Variants in ATG7 observed in about 807,000 individuals in gnomAD.
ATG7 encodes the protein autophagy related 7.
ATG7 carries 70 observed loss-of-function variants against 82.4 expected under a neutral mutation model. The observed-to-expected ratio is 0.85, with a 90% CI of 0.70 to 1.04. The LOEUF (loss-of-function observed/expected upper bound fraction) is 1.04, where lower values mean the gene tolerates loss of function less well. Among genes scored for constraint, ATG7 ranks in the 50% least tolerant of loss-of-function variants. ATG7 has a pLI of 0.00. For missense variants in ATG7, 792 were observed against 864.3 expected, an observed-to-expected ratio of 0.92 and a Z score of 1.05; for synonymous variants, 287 against 313.0, an observed-to-expected ratio of 0.92 and a Z score of 0.88.
chr3:11,324,780 C>T (rs879842779), intron 9 of ATG7, among the ~76,000 whole-genome samples: 1 of 151,838 alleles, frequency 6.6e-6, no homozygotes, highest in Admixed American at 6.6e-5. Flanking sequence ...TCATTTAGTT[C>T]CAACTCTACA....
intron 20 of ATG7, among the ~76,000 whole-genome samples, chr3:11,494,118 C>T (rs1171963855): frequency 6.6e-6 from 1 of 152,188 alleles, no homozygotes; most frequent in Non-Finnish European, 1.5e-5. Context: ...ATGACTGTTG[C>T]CAGGGAAGAA....
chr3:11,560,113 C>T (rs953571110), downstream of ATG7, among the ~76,000 whole-genome samples: 2 of 152,072 alleles, frequency 1.3e-5, no homozygotes, highest in African/African-American at 4.8e-5. Flanking sequence ...AAGCCCTGTT[C>T]AGATCTCTCT....
At chr3:11,433,354 A>G (rs567973995) in intron 20 of ATG7, among the ~76,000 whole-genome samples, 17 of 151,832 alleles carry the variant, frequency 1.1e-4, no homozygotes, top group Non-Finnish European at 1.8e-4. Flanking sequence ...TAAATCAAAC[A>G]TATGAACACC....
intron 20 of ATG7, among the ~76,000 whole-genome samples, chr3:11,480,808 A>G (rs868502926): frequency 1.4e-4 from 22 of 152,188 alleles, no homozygotes; most frequent in Admixed American, 3.9e-4. Context: ...AGGAGGGCCT[A>G]TCCACTGGGT....
intron 20 of ATG7, among the ~76,000 whole-genome samples, chr3:11,497,304 G>T (rs1487331804): frequency 7.1e-6 from 1 of 139,958 alleles, no homozygotes; most frequent in East Asian, 2.1e-4. Flanking sequence ...TTGAGGTCAG[G>T]AGTTTGAGGC....
intron 20 of ATG7, among the ~76,000 whole-genome samples, chr3:11,479,698 A>G (rs1013025997): frequency 6.6e-6 from 1 of 152,184 alleles, no homozygotes; most frequent in South Asian, 2.1e-4. Flanking sequence ...ATCATCCCCA[A>G]TGGAGGAGCT....
intron 3 of ATG7, among the ~76,000 whole-genome samples, chr3:11,289,816 T>C (rs986290106): frequency 4.6e-5 from 7 of 152,182 alleles, no homozygotes; most frequent in African/African-American, 1.7e-4. Context: ...TGCCTCAGCC[T>C]CCCAAAGAGT....
rs113465598 is a variant in ATG7 at position 11,535,723 on chromosome 3, G to T, written c.2080-19088G>T. 6.2e-4 allele frequency among the ~76,000 whole-genome samples: 94 copies of T among 152,224 alleles called. 1 individual carries two copies. Among genetic ancestry groups the T allele is most frequent in the African/African-American group, 2.1e-3 (89 of 41,522 alleles). ...GGTAAAGAAGCGGGGGCGTGCGCTG[G>T]GGGGAGAACCTTGTGTTCTCAGTCT... On this transcript the variant is annotated intron_variant, in intron 20 of 20. Transcript: ENST00000693202.
At chr3:11,413,962 G>C (rs1200431518) in intron 19 of ATG7, among the ~76,000 whole-genome samples, 1 of 151,580 alleles carries the variant, frequency 6.6e-6, no homozygotes, top group East Asian at 1.9e-4. Context: ...GATGGGTTTT[G>C]TGTTTCTAGG....
rs138052425 is a variant in ATG7 at position 11,367,796 on chromosome 3, G to A, written c.1875+3062G>A. On this transcript the variant is annotated intron_variant, in intron 18 of 20. Coordinates refer to ENST00000693202, the MANE Select transcript of ATG7 (RefSeq NM_001349232.2). Reference sequence around the variant, plus strand: ...TTTTTAAGTCTCTGGCCCAATGTACGTGGATTAGATTCTGCAAGCAGGCAG... The same window carrying A: ...TTTTTAAGTCTCTGGCCCAATGTACATGGATTAGATTCTGCAAGCAGGCAG... 8.5e-3 allele frequency among the ~76,000 whole-genome samples: 1,274 copies of A among 149,190 alleles called. 12 individuals carry two copies. Among genetic ancestry groups the A allele is most frequent in the African/African-American group, 0.03 (1,213 of 40,504 alleles).
chr3:11,552,115 C>A (rs947674645), intron 20 of ATG7, among the ~76,000 whole-genome samples: 3 of 152,204 alleles, frequency 2.0e-5, no homozygotes, highest in Non-Finnish European at 4.4e-5. Flanking sequence ...TGGTTGTTGT[C>A]AATTTTATAT....
chr3:11,458,454 T>G (rs886210421), intron 20 of ATG7, among the ~76,000 whole-genome samples: 7 of 152,138 alleles, frequency 4.6e-5, no homozygotes, highest in Non-Finnish European at 8.8e-5. Flanking sequence ...TAGTAGAGAC[T>G]GGGTTTCACC....
At chr3:11,551,969 G>A (rs1035079095) in intron 20 of ATG7, among the ~76,000 whole-genome samples, 1 of 151,210 alleles carries the variant, frequency 6.6e-6, no homozygotes, top group Non-Finnish European at 1.5e-5. Flanking sequence ...GGCTGGTCTC[G>A]AACTCCTGAC....
At chr3:11,568,549 G>A in the ATG7 span, 30 of 1,550,634 alleles carry the variant, frequency 1.9e-5, no homozygotes, top group South Asian at 3.6e-5. This position sits in a 1 kb window ranked among gnomAD's most constrained non-coding sequence, Gnocchi z 5.9. Context: ...TGAAAACAGC[G>A]AGAAAAGGCC....
chr3:11,558,454 T>A, downstream of ATG7: 18 of 1,064,148 alleles, frequency 1.7e-5, no homozygotes, highest in Admixed American at 2.7e-5. Context: ...TCCCTTCCCT[T>A]CCCCCCACCC....
rs1443864650 is a variant in ATG7, at chr3:11,445,316, T to TG, written c.2079+18392dup. Among the ~76,000 whole-genome samples, 6 of 152,192 alleles carry TG rather than the reference T, an allele frequency of 3.9e-5. No individual in the cohort carries two copies. The East Asian group carries it at 1.2e-3, about 29-fold the overall frequency. On this transcript the variant is annotated intron_variant, in intron 20 of 20. Transcript: ENST00000693202. ...TAGAATCAACTTAAATGCCCATCAG[T>TG]GGTAGACTGGATAAAGAAAATGTAG...
the ATG7 span, chr3:11,568,514 G>C: frequency 1.3e-6 from 2 of 1,500,562 alleles, no homozygotes; most frequent in Non-Finnish European, 1.8e-6. The surrounding 1 kb of genome is among the most constrained non-coding windows in gnomAD (Gnocchi z 5.9). Flanking sequence ...CAGCACAGTG[G>C]GCACTATGGG....
At chr3:11,334,734 G>T (rs1369475569) in intron 11 of ATG7, among the ~76,000 whole-genome samples, 1 of 151,186 alleles carries the variant, frequency 6.6e-6, no homozygotes, top group Non-Finnish European at 1.5e-5. Context: ...GAGGCGGGTG[G>T]ATCACCTGAG....
intron 20 of ATG7, among the ~76,000 whole-genome samples, chr3:11,521,248 C>T (rs976456208): frequency 6.6e-6 from 1 of 151,980 alleles, no homozygotes; most frequent in Non-Finnish European, 1.5e-5. Flanking sequence ...AGCACAGGGG[C>T]CTAAGAACGC....
Sources: gnomAD v4.1 joint callset for allele counts (sites outside exome capture counted in the v4.1 genomes callset) on GRCh38, gnomAD v4.1.1 for gene constraint, Gnocchi (gnomAD v3.1) non-coding constraint, MANE v1.5 for transcripts, NCBI Gene and HGNC (gene_info 2026-07-23, HGNC 2026-07-21) for gene names.